Variants in NPAT observed in about 807,000 individuals in gnomAD.
NPAT encodes the protein protein NPAT.
A neutral mutation model predicts 130.7 loss-of-function variants in NPAT; 52 were observed. The ratio of observed to expected loss-of-function variants is 0.40; its 90% CI spans 0.32 to 0.50. NPAT has a LOEUF of 0.50. Among genes scored for constraint, NPAT ranks in the 20% least tolerant of loss-of-function variants. The probability of loss-of-function intolerance (pLI) is 0.68; values close to 1 mark genes in which losing one functional copy is unlikely to be tolerated. For synonymous variants in NPAT, 580 were observed against 584.8 expected (o/e 0.99, Z 0.12); for missense variants, 1,687 against 1,662.6 (o/e 1.01, Z -0.26).
chr11:108,176,058 G>T (rs183028904), intron 12 of NPAT, among the ~76,000 whole-genome samples, 188 bp downstream of exon 12: 386 of 152,228 alleles, frequency 2.5e-3, no homozygotes, highest in Non-Finnish European at 4.1e-3. Context: ...GTAAAAGAAT[G>T]AATACTGTAA....
intron 1 of NPAT, among the ~76,000 whole-genome samples, chr11:108,206,825 T>C (rs867468326): frequency 2.0e-5 from 3 of 152,218 alleles, no homozygotes; most frequent in Non-Finnish European, 2.9e-5. Context: ...GGAGCTTCAC[T>C]GAGTGACAGA....
At chr11:108,174,785 G>A (rs57567061) in intron 12 of NPAT, among the ~76,000 whole-genome samples, 2,062 of 151,982 alleles carry the variant, frequency 0.014, 54 homozygotes, top group African/African-American at 0.046. Context: ...CACCTGGCTA[G>A]CTTTTGTATT....
In NPAT at chr11:108,161,761, GT is replaced by G. The variant is rs2077853023; in HGVS notation, c.3324del (p.Lys1108AsnfsTer34). 1 of 1,613,644 alleles carries G rather than the reference GT, an allele frequency of 6.2e-7. No homozygotes were observed. Among genetic ancestry groups the G allele is most frequent in the African/African-American group, 1.3e-5 (1 of 74,916 alleles). ...LDSPNVSSTL[K>X]PPSNNAIKRE... ...CTTTTGATAGCATTATTAGAAGGGG[GT>G]TTTAAGGTGGAGGACACATTGGGTG... On this transcript the variant is annotated frameshift_variant, in exon 17 of 18. Coordinates refer to ENST00000278612, the MANE Select transcript of NPAT (RefSeq NM_002519.3). LOFTEE classifies it high-confidence loss of function.
In NPAT at chr11:108,162,113, T is replaced by C. The variant is rs2077857917; in HGVS notation, c.3071+7A>G. On this transcript the variant is annotated splice_region_variant and intron_variant, in intron 16 of 17. Coordinates refer to ENST00000278612, the MANE Select transcript of NPAT (RefSeq NM_002519.3). ...ACAATCTATGATAGAAACTACTTTA[T>C]ACTCACTTTTGTGCATGACATCCAA... The C allele has an allele frequency of 1.2e-6, 2 of 1,613,566 alleles. No homozygotes were observed. The highest frequency in any genetic ancestry group is 2.7e-5 in the African/African-American group (2 of 74,936).
intron 1 of NPAT, among the ~76,000 whole-genome samples, chr11:108,208,890 G>A (rs552703134): frequency 2.4e-4 from 37 of 152,308 alleles, no homozygotes; most frequent in African/African-American, 7.9e-4. Flanking sequence ...TTCCAGGGCC[G>A]ACCATATATT....
At chr11:108,209,888 CAAAAAAAAAAAAA>C (rs58890849) in intron 1 of NPAT, among the ~76,000 whole-genome samples, 1 of 70,806 alleles carries the variant, frequency 1.4e-5, no homozygotes, top group African/African-American at 6.7e-5. Flanking sequence ...GACTTCATCT[CAAAAAAAAAAAAA>C]AAAAAAAAAA....
Position 108,214,663 on chromosome 11 carries a change from G to A in NPAT, c.37+7837C>T, listed in dbSNP as rs1000094754. Among the ~76,000 whole-genome samples the A allele has an allele frequency of 4.3e-5, 6 of 140,434 alleles. No individual in the cohort carries two copies. The East Asian group carries it at 6.1e-4, about 14-fold the overall frequency. 92.1% of individuals were successfully genotyped at this position (140,434 alleles called of 152,430 possible). A position where few individuals can be genotyped will look rare whatever the true frequency, so the allele number is the denominator to read the frequency against. On this transcript the variant is annotated intron_variant, in intron 1 of 17. Transcript: ENST00000278612. ...TTTTTTTTTTTTGAGATGGAGTCCC[G>A]CTCTTGTCACCTGTGCTGGAGTGCA...
rs527932431 is a variant in NPAT, at chr11:108,186,578, C to T, written c.639-9G>A. ...TTTTTCTCTGAGATTCACTGAAACA[C>T]ATTTTAAAAGCTTTTCTTTTAACCA... is the stretch of plus-strand genomic sequence containing the variant. On this transcript the variant is annotated splice_polypyrimidine_tract_variant and intron_variant, in intron 7 of 17. Transcript: ENST00000278612. The T allele has an allele frequency of 1.2e-6, 2 of 1,608,230 alleles. No homozygotes were observed. The highest frequency in any genetic ancestry group is 1.3e-5 in the African/African-American group (1 of 74,896).
In NPAT at chr11:108,193,347, T is replaced by C. The variant is rs888881331; in HGVS notation, c.217+610A>G. Among the ~76,000 whole-genome samples, 5 of 151,920 alleles carry C rather than the reference T, an allele frequency of 3.3e-5. 1 individual carries two copies. Among genetic ancestry groups the C allele is most frequent in the Admixed American group, 2.0e-4 (3 of 15,258 alleles). On this transcript the variant is annotated intron_variant, in intron 3 of 17. Coordinates refer to ENST00000278612, the MANE Select transcript of NPAT (RefSeq NM_002519.3). ...TGTAGATAACACAGAGGTAAGAGTTTTATTTTACATATTTTTTAAAGGTAG... is the reference window on the plus strand; with the variant it reads ...TGTAGATAACACAGAGGTAAGAGTTCTATTTTACATATTTTTTAAAGGTAG...
chr11:108,207,840 G>C (rs2078343680), intron 1 of NPAT, among the ~76,000 whole-genome samples: 1 of 152,194 alleles, frequency 6.6e-6, no homozygotes, highest in Non-Finnish European at 1.5e-5. Flanking sequence ...TCTGTTCCCA[G>C]CTCCTGCTGC....
chr11:108,170,688 T>C (rs1279149659), intron 13 of NPAT, among the ~76,000 whole-genome samples: 1 of 152,252 alleles, frequency 6.6e-6, no homozygotes, highest in African/African-American at 2.4e-5. Flanking sequence ...CTCATTTTCA[T>C]GCAACCTACT....
chr11:108,169,673 C>T, intron 15 of NPAT, 71 bp downstream of exon 15: 3 of 1,099,874 alleles, frequency 2.7e-6, no homozygotes, highest in Non-Finnish European at 2.8e-6. Context: ...AGAAAGAAAA[C>T]ATTTAGGTGT....
intron 11 of NPAT, 109 bp from the exon 12 acceptor site, chr11:108,176,483 T>G: frequency 2.5e-6 from 2 of 796,622 alleles, no homozygotes; most frequent in East Asian, 2.6e-5. Flanking sequence ...ATTTAGGGTT[T>G]TATGGATGTT....
chr11:108,177,298 G>A (rs2078018052), intron 10 of NPAT, among the ~76,000 whole-genome samples: 1 of 152,076 alleles, frequency 6.6e-6, no homozygotes, highest in East Asian at 1.9e-4. Flanking sequence ...GGGACTACAA[G>A]TGCACCACTA....
At chr11:108,211,391 A>C (rs1265761300) in intron 1 of NPAT, among the ~76,000 whole-genome samples, 2 of 151,938 alleles carry the variant, frequency 1.3e-5, no homozygotes, top group African/African-American at 4.8e-5. Flanking sequence ...AAAAATACAA[A>C]AGTTAGCTGG....
intron 15 of NPAT, among the ~76,000 whole-genome samples, chr11:108,164,223 G>A (rs1202503607): frequency 6.6e-6 from 1 of 152,182 alleles, no homozygotes; most frequent in Non-Finnish European, 1.5e-5. Flanking sequence ...GTTTGAAGGA[G>A]GAACAGAAGA....
At chr11:108,208,152 C>T (rs1315459834) in intron 1 of NPAT, among the ~76,000 whole-genome samples, 1 of 152,122 alleles carries the variant, frequency 6.6e-6, no homozygotes, top group African/African-American at 2.4e-5. Context: ...TGAAATGCTC[C>T]AATGAACATT....
intron 11 of NPAT, 105 bp from the exon 12 acceptor site, chr11:108,176,479 G>T: frequency 1.2e-6 from 1 of 847,600 alleles, no homozygotes; most frequent in South Asian, 1.5e-5. Flanking sequence ...TTCGATTTAG[G>T]GTTTTATGGA....
chr11:108,166,450 A>T (rs1235551455), intron 15 of NPAT, among the ~76,000 whole-genome samples: 1 of 152,152 alleles, frequency 6.6e-6, no homozygotes, highest in Non-Finnish European at 1.5e-5. Flanking sequence ...ATATTCTCTT[A>T]TACATTCTTC....
Sources: gnomAD v4.1 joint callset for allele counts (sites outside exome capture counted in the v4.1 genomes callset) on GRCh38, gnomAD v4.1.1 for gene constraint, MANE v1.5 for transcripts, NCBI Gene and HGNC (gene_info 2026-07-23, HGNC 2026-07-21) for gene names.